Variants in CNTNAP2 observed in about 807,000 individuals in gnomAD.
The protein encoded by CNTNAP2 is contactin-associated protein-like 2.
In CNTNAP2, 98 loss-of-function variants were observed where a neutral mutation model predicts 155.2. The ratio of observed to expected loss-of-function variants is 0.63; its 90% CI spans 0.54 to 0.75. The LOEUF is 0.75. CNTNAP2 is among the 30% of genes least tolerant of loss of function. The probability of loss-of-function intolerance (pLI) is 0.00; values close to 1 mark genes in which losing one functional copy is unlikely to be tolerated. For missense variants in CNTNAP2, 1,727 were observed against 1,688.1 expected, an observed-to-expected ratio of 1.02 and a Z score of -0.40; for synonymous variants, 651 against 631.2, an observed-to-expected ratio of 1.03 and a Z score of -0.47.
At chr7:147,696,943 G>T (rs923264175) in intron 13 of CNTNAP2, among the ~76,000 whole-genome samples, 2 of 152,108 alleles carry the variant, frequency 1.3e-5, no homozygotes, top group African/African-American at 4.8e-5. Context: ...CTGATTTAAT[G>T]AGGTTTGAAT....
chr7:147,647,843 G>A (rs917458255), intron 13 of CNTNAP2, among the ~76,000 whole-genome samples: 1 of 152,118 alleles, frequency 6.6e-6, no homozygotes, highest in African/African-American at 2.4e-5. Context: ...AAGGGAGATG[G>A]GTATTTAACA....
intron 1 of CNTNAP2, among the ~76,000 whole-genome samples, chr7:146,367,672 T>C (rs1795174658): frequency 6.6e-6 from 1 of 152,178 alleles, no homozygotes; most frequent in Non-Finnish European, 1.5e-5. Flanking sequence ...GTCTATTCTG[T>C]ATGTAACTCA....
intron 20 of CNTNAP2, among the ~76,000 whole-genome samples, chr7:148,266,504 C>G (rs1796671155): frequency 6.6e-6 from 1 of 152,180 alleles, no homozygotes; most frequent in Non-Finnish European, 1.5e-5. Context: ...CTGCTGCCAA[C>G]TCGCCCAACC....
Position 148,252,312 on chromosome 7 carries a change from G to A in CNTNAP2, c.3382-14721G>A, listed in dbSNP as rs772248763. On this transcript the variant is annotated intron_variant, in intron 20 of 23. Coordinates refer to ENST00000361727, the MANE Select transcript of CNTNAP2 (RefSeq NM_014141.6). ...CACCGACATGTGCTTGAGTCCCAAC[G>A]TAGCTACACATGAACTAATTCGTCA... 5.3e-5 allele frequency among the ~76,000 whole-genome samples: 8 copies of A among 152,118 alleles called. 1 individual carries two copies. The South Asian group carries it at 1.0e-3, about 20-fold the overall frequency.
intron 13 of CNTNAP2, among the ~76,000 whole-genome samples, chr7:147,661,523 GCTCTTTTCT>G (rs1054271791): frequency 4.0e-5 from 6 of 150,924 alleles, no homozygotes; most frequent in Admixed American, 2.6e-4. Flanking sequence ...TCCAAATTCA[GCTCTTTTCT>G]CTGCTAATTG....
intron 13 of CNTNAP2, among the ~76,000 whole-genome samples, chr7:147,761,195 G>A (rs1797293682): frequency 6.6e-6 from 1 of 152,176 alleles, no homozygotes; most frequent in Non-Finnish European, 1.5e-5. Flanking sequence ...AATGACAAAT[G>A]TTTTGTCTCT....
rs1008715242 is a variant in CNTNAP2 at position 148,067,692 on chromosome 7, T to C, written c.2384-50426T>C. ...ATAGGTATTTGGGCTTCTCAGGTGA[T>C]GGGTTGGACCATAGCGCTCCCAAGA... On this transcript the variant is annotated intron_variant, in intron 15 of 23. Coordinates refer to ENST00000361727, the MANE Select transcript of CNTNAP2 (RefSeq NM_014141.6). 6.6e-5 allele frequency among the ~76,000 whole-genome samples: 10 copies of C among 152,320 alleles called. 1 individual carries two copies. In the South Asian group the frequency reaches 1.9e-3, roughly 28 times the overall value.
At chr7:147,210,063 T>C (rs993025398) in intron 8 of CNTNAP2, among the ~76,000 whole-genome samples, 1 of 151,970 alleles carries the variant, frequency 6.6e-6, no homozygotes, top group Non-Finnish European at 1.5e-5. Flanking sequence ...TTCTTTTTCA[T>C]TGTGTCTTTT....
intron 3 of CNTNAP2, among the ~76,000 whole-genome samples, chr7:146,874,391 G>A (rs1259197413): frequency 1.3e-5 from 2 of 152,064 alleles, no homozygotes; most frequent in Non-Finnish European, 2.9e-5. Context: ...AAGGCTGGAA[G>A]TGCAATGGTG....
intron 13 of CNTNAP2, among the ~76,000 whole-genome samples, chr7:147,805,326 T>G (rs1416105650): frequency 6.6e-6 from 1 of 152,256 alleles, no homozygotes; most frequent in African/African-American, 2.4e-5. Flanking sequence ...TAGTTGCAAC[T>G]TAAAGGAGTG....
intron 17 of CNTNAP2, among the ~76,000 whole-genome samples, chr7:148,154,125 C>A (rs2116662814): frequency 6.6e-6 from 1 of 152,308 alleles, no homozygotes; most frequent in South Asian, 2.1e-4. Flanking sequence ...CTCTTTTGTG[C>A]AGTCCAAAAA....
chr7:147,515,340 T>TTTTTG (rs1799102703), intron 11 of CNTNAP2, among the ~76,000 whole-genome samples: 1 of 148,350 alleles, frequency 6.7e-6, no homozygotes, highest in East Asian at 2.0e-4. Context: ...TTTGTTTGTT[T>TTTTTG]TGAGACAAGT....
intron 1 of CNTNAP2, among the ~76,000 whole-genome samples, chr7:146,545,379 A>G (rs141586812): frequency 3.3e-5 from 5 of 151,946 alleles, no homozygotes; most frequent in Non-Finnish European, 7.4e-5. Flanking sequence ...TCTGGGATAC[A>G]TGTGCAGAAC....
chr7:147,182,125 CAAAA>C (rs10718876), intron 8 of CNTNAP2, among the ~76,000 whole-genome samples: 3 of 92,386 alleles, frequency 3.2e-5, no homozygotes, highest in Non-Finnish European at 4.1e-5. Context: ...GACTCCATCT[CAAAA>C]AAAAAAAAAA....
At chr7:147,001,917 A>G (rs556356900) in intron 3 of CNTNAP2, among the ~76,000 whole-genome samples, 44 of 152,150 alleles carry the variant, frequency 2.9e-4, no homozygotes, top group African/African-American at 9.9e-4. Flanking sequence ...TAAAAATGCT[A>G]TAATAAATAG....
rs1796960862 is a variant in CNTNAP2, at chr7:146,481,573, T to C, written c.98-292698T>C. Among the ~76,000 whole-genome samples, 3 of 152,318 alleles carry C rather than the reference T, an allele frequency of 2.0e-5. No homozygotes were observed. The South Asian group carries it at 6.2e-4, about 32-fold the overall frequency. On this transcript the variant is annotated intron_variant, in intron 1 of 23. Transcript: ENST00000361727. Reference sequence around the variant, plus strand: ...GTATTCCACCTCCTCATCATCATCATTGGAATTATTGCAGTTATTTTCAAC... The same window carrying C: ...GTATTCCACCTCCTCATCATCATCACTGGAATTATTGCAGTTATTTTCAAC...
At chr7:147,746,718 C>A (rs1209286289) in intron 13 of CNTNAP2, among the ~76,000 whole-genome samples, 1 of 152,094 alleles carries the variant, frequency 6.6e-6, no homozygotes, top group Non-Finnish European at 1.5e-5. Flanking sequence ...ACCACCCCAA[C>A]CCTGACTGCT....
chr7:147,294,841 G>A (rs921822204), intron 8 of CNTNAP2, among the ~76,000 whole-genome samples: 2 of 151,902 alleles, frequency 1.3e-5, no homozygotes, highest in African/African-American at 4.8e-5. Flanking sequence ...TGTATTTTTA[G>A]TAGAGACTGG....
chr7:147,739,146 T>G (rs887627562), intron 13 of CNTNAP2, among the ~76,000 whole-genome samples: 56 of 152,128 alleles, frequency 3.7e-4, no homozygotes, highest in African/African-American at 1.3e-3. Flanking sequence ...CTGAAGTTTT[T>G]TTTTTTTTTT....
Sources: allele counts gnomAD v4.1 joint callset (sites outside exome capture counted in the v4.1 genomes callset), GRCh38; gene constraint gnomAD v4.1.1; transcripts MANE v1.5; gene names NCBI Gene and HGNC (gene_info 2026-07-23, HGNC 2026-07-21).